Variants in SCAPER observed in about 807,000 individuals in gnomAD.
SCAPER encodes S phase cyclin A-associated protein in the endoplasmic reticulum.
In SCAPER, 98 loss-of-function variants were observed where a neutral mutation model predicts 182.2. The ratio of observed to expected loss-of-function variants is 0.54; its 90% CI spans 0.46 to 0.64. The LOEUF (loss-of-function observed/expected upper bound fraction) is 0.64, where lower values mean the gene tolerates loss of function less well. Ranked by LOEUF, SCAPER falls within the 30% of genes least tolerant of loss-of-function variation. The probability of loss-of-function intolerance (pLI) is 0.00; values close to 1 mark genes in which losing one functional copy is unlikely to be tolerated. For synonymous variants in SCAPER, 605 were observed against 564.6 expected (o/e 1.07, Z -1.01); for missense variants, 1,432 against 1,690.0 (o/e 0.85, Z 2.68).
chr15:76,878,019 T>C (rs188104375), intron 2 of SCAPER, among the ~76,000 whole-genome samples: 17 of 152,248 alleles, frequency 1.1e-4, no homozygotes, highest in Admixed American at 9.8e-4. Context: ...TCTTAAATGG[T>C]TCAGGAAGAA....
chr15:76,394,492 A>C (rs955219398), intron 27 of SCAPER, among the ~76,000 whole-genome samples: 1 of 152,194 alleles, frequency 6.6e-6, no homozygotes, highest in African/African-American at 2.4e-5. Context: ...GAGACTGGTG[A>C]TACCATACAC....
At chr15:76,437,073 A>G (rs1242210762) in intron 25 of SCAPER, among the ~76,000 whole-genome samples, 1 of 152,058 alleles carries the variant, frequency 6.6e-6, no homozygotes, top group African/African-American at 2.4e-5. Flanking sequence ...GGTTGTCCCC[A>G]TGTTCTATTT....
At chr15:76,676,672 A>C (rs1238947551) in intron 20 of SCAPER, among the ~76,000 whole-genome samples, 6 of 151,918 alleles carry the variant, frequency 3.9e-5, no homozygotes. Context: ...ATACTATATA[A>C]ATTTAATTTT....
intron 25 of SCAPER, among the ~76,000 whole-genome samples, chr15:76,455,474 GTTTT>G (rs145760134): frequency 2.6e-5 from 4 of 151,444 alleles, no homozygotes; most frequent in African/African-American, 9.7e-5. Flanking sequence ...TGTAAGCATT[GTTTT>G]TTTTAAAGAG....
At chr15:76,476,595 ATTTTTTTTTT>A (rs5813839) in intron 24 of SCAPER, among the ~76,000 whole-genome samples, 348 of 73,540 alleles carry the variant, frequency 4.7e-3, no homozygotes, top group African/African-American at 0.017. Context: ...CACCCAGCTA[ATTTTTTTTTT>A]TTTTTTTTTT....
chr15:76,869,835 A>T (rs1178560644), intron 2 of SCAPER, among the ~76,000 whole-genome samples: 1 of 152,174 alleles, frequency 6.6e-6, no homozygotes, highest in Non-Finnish European at 1.5e-5. Flanking sequence ...ATTCACATAT[A>T]TGGAATCAAC....
chr15:76,566,237 G>A (rs1284374474), intron 23 of SCAPER, among the ~76,000 whole-genome samples: 1 of 152,136 alleles, frequency 6.6e-6, no homozygotes, highest in East Asian at 1.9e-4. Context: ...ACAGGTATCG[G>A]TGAATGGAAT....
chr15:76,902,147 A>G lies in SCAPER; in HGVS notation c.-60+3152T>C, dbSNP rs573852867. ...GAAAAAGGTTAGCTACAAATGCACCATGGAATACTATGCAGCCATAAAAAA... is the reference window on the plus strand; with the variant it reads ...GAAAAAGGTTAGCTACAAATGCACCGTGGAATACTATGCAGCCATAAAAAA... On this transcript the variant is annotated intron_variant, in intron 1 of 31. Transcript: ENST00000563290. 2.0e-4 allele frequency among the ~76,000 whole-genome samples: 30 copies of G among 152,356 alleles called. No homozygotes were observed. In the South Asian group the frequency reaches 6.0e-3, roughly 30 times the overall value.
intron 20 of SCAPER, among the ~76,000 whole-genome samples, chr15:76,681,012 A>G (rs1030319775): frequency 3.3e-5 from 5 of 152,208 alleles, no homozygotes; most frequent in African/African-American, 1.2e-4. Context: ...GTGAGACAAG[A>G]GAAAAATCAG....
chr15:76,813,581 C>CA (rs1214852096), intron 5 of SCAPER, among the ~76,000 whole-genome samples: 3 of 151,426 alleles, frequency 2.0e-5, no homozygotes, highest in Non-Finnish European at 4.4e-5. Flanking sequence ...CACATACACA[C>CA]AAAAAAAGGT....
chr15:76,540,935 A>T (rs1316507674), intron 23 of SCAPER, among the ~76,000 whole-genome samples: 3 of 152,086 alleles, frequency 2.0e-5, no homozygotes, highest in Admixed American at 6.6e-5. Context: ...AGCCTGACCA[A>T]GATGATGAAA....
intron 4 of SCAPER, among the ~76,000 whole-genome samples, chr15:76,844,882 G>C (rs1014204869): frequency 2.0e-5 from 3 of 152,000 alleles, no homozygotes; most frequent in Non-Finnish European, 2.9e-5. Context: ...GTATTATTCT[G>C]ATACCAAAAT....
chr15:76,548,149 G>A (rs1208861888), intron 23 of SCAPER, among the ~76,000 whole-genome samples: 6 of 151,798 alleles, frequency 4.0e-5, no homozygotes, highest in Admixed American at 1.3e-4. Flanking sequence ...TGCTGCTAGC[G>A]CTCATTTAAT....
chr15:76,869,758 T>C (rs752976572), intron 2 of SCAPER, among the ~76,000 whole-genome samples: 3 of 152,166 alleles, frequency 2.0e-5, no homozygotes. Context: ...CTACTGCGTA[T>C]ATATCCAAAA....
At chr15:76,390,473 G>C (rs1345813634) in intron 27 of SCAPER, among the ~76,000 whole-genome samples, 1 of 152,168 alleles carries the variant, frequency 6.6e-6, no homozygotes, top group African/African-American at 2.4e-5. Context: ...ACAACAAAGT[G>C]GAAGAGTAAA....
At chr15:76,760,872 T>C (rs2062734016) in intron 14 of SCAPER, among the ~76,000 whole-genome samples, 1 of 152,194 alleles carries the variant, frequency 6.6e-6, no homozygotes. Context: ...AATATAATAT[T>C]TCTTATTTCA....
chr15:76,457,707 G>A (rs868166012), intron 25 of SCAPER, among the ~76,000 whole-genome samples: 2 of 151,994 alleles, frequency 1.3e-5, no homozygotes, highest in Non-Finnish European at 1.5e-5. Flanking sequence ...ATAATATGCA[G>A]TACACTTTAC....
intron 8 of SCAPER, among the ~76,000 whole-genome samples, chr15:76,779,854 T>C (rs1193613626): frequency 3.9e-5 from 6 of 152,320 alleles, no homozygotes; most frequent in African/African-American, 1.4e-4. Flanking sequence ...CCAAGTGAAA[T>C]TTATTTCAGA....
Position 76,357,150 on chromosome 15 carries a change from TCACA to T in SCAPER, c.3856-3014_3856-3011del, listed in dbSNP as rs55912416. Among the ~76,000 whole-genome samples the T allele has an allele frequency of 5.3e-3, 680 of 128,950 alleles. 7 individuals carry two copies. Among genetic ancestry groups the T allele is most frequent in the Admixed American group, 0.017 (201 of 11,870 alleles). 84.6% of individuals were successfully genotyped at this position (128,950 alleles called of 152,430 possible). A position where few individuals can be genotyped will look rare whatever the true frequency, so the allele number is the denominator to read the frequency against. ...AAAAGAAGTAACCTTTTTATTGACA[TCACA>T]CACACACACACACACACACACACAC... is the stretch of plus-strand genomic sequence containing the variant. On this transcript the variant is annotated intron_variant, in intron 29 of 31. Coordinates refer to ENST00000563290, the MANE Select transcript of SCAPER (RefSeq NM_020843.4).
Sources: gnomAD v4.1 joint callset for allele counts (sites outside exome capture counted in the v4.1 genomes callset) on GRCh38, gnomAD v4.1.1 for gene constraint, MANE v1.5 for transcripts, NCBI Gene and HGNC (gene_info 2026-07-23, HGNC 2026-07-21) for gene names.